Variants in EMSY observed in about 807,000 individuals in gnomAD.
EMSY encodes the protein EMSY transcriptional repressor, BRCA2 interacting.
A neutral mutation model predicts 134.6 loss-of-function variants in EMSY; 26 were observed. The ratio of observed to expected loss-of-function variants is 0.19; its 90% CI spans 0.14 to 0.27. The LOEUF is 0.27. EMSY is among the 10% of genes least tolerant of loss of function. EMSY has a pLI of 1.00. For missense variants in EMSY, 1,305 were observed against 1,611.4 expected, an observed-to-expected ratio of 0.81 and a Z score of 3.26; for synonymous variants, 579 against 577.8, an observed-to-expected ratio of 1.00 and a Z score of -0.03.
At chr11:76,467,978 TCAAAAAAAAAAAA>T (rs1472764019) in intron 7 of EMSY, among the ~76,000 whole-genome samples, 5 of 103,510 alleles carry the variant, frequency 4.8e-5, no homozygotes, top group African/African-American at 2.2e-4. Context: ...AAACTCCATC[TCAAAAAAAAAAAA>T]CAAAAAAAAA....
intron 11 of EMSY, among the ~76,000 whole-genome samples, chr11:76,518,565 C>A (rs1323990968): frequency 6.6e-6 from 1 of 151,462 alleles, no homozygotes; most frequent in African/African-American, 2.4e-5. Context: ...AAACTACAGC[C>A]AGGTTCAAAG....
chr11:76,530,262 C>T (rs956510906), intron 14 of EMSY, among the ~76,000 whole-genome samples: 7 of 147,650 alleles, frequency 4.7e-5, no homozygotes, highest in African/African-American at 1.0e-4. Context: ...TGGGTTCAAG[C>T]GATTCTCCTG....
intron 8 of EMSY, among the ~76,000 whole-genome samples, chr11:76,477,183 C>G (rs910055938): frequency 6.6e-6 from 1 of 150,792 alleles, no homozygotes; most frequent in African/African-American, 2.4e-5. Context: ...TAAGGGTATT[C>G]TAAGGATATA....
intron 11 of EMSY, among the ~76,000 whole-genome samples, chr11:76,520,695 A>T (rs1200742348): frequency 2.0e-5 from 3 of 152,188 alleles, no homozygotes; most frequent in Non-Finnish European, 4.4e-5. Context: ...TATTGTAAAG[A>T]CATTTTTTGT....
exon 17 of EMSY, chr11:76,539,611 A>T (rs1951356819): frequency 6.2e-7 from 1 of 1,613,752 alleles, no homozygotes; most frequent in Admixed American, 1.7e-5. Flanking sequence ...CGCACTGATG[A>T]GGGGACAGAG....
chr11:76,461,863 C>CAGAG (rs1452775317), intron 6 of EMSY, among the ~76,000 whole-genome samples: 1 of 151,826 alleles, frequency 6.6e-6, no homozygotes, highest in Non-Finnish European at 1.5e-5. Flanking sequence ...ACCTGGGAGG[C>CAGAG]AGAGGTTGCA....
exon 21 of EMSY, chr11:76,550,240 C>G: frequency 3.7e-6 from 4 of 1,075,308 alleles, no homozygotes; most frequent in Non-Finnish European, 4.9e-6. Flanking sequence ...GCACTTTGCC[C>G]GTACTTAGGC....
At chr11:76,515,212 G>T (rs558133773) in intron 10 of EMSY, among the ~76,000 whole-genome samples, 5 of 150,798 alleles carry the variant, frequency 3.3e-5, no homozygotes, top group South Asian at 2.1e-4. Flanking sequence ...TTTTTGGGGG[G>T]GGGGAGGAGG....
intron 9 of EMSY, among the ~76,000 whole-genome samples, chr11:76,501,021 C>T (rs941231221): frequency 2.0e-5 from 3 of 152,142 alleles, no homozygotes; most frequent in Non-Finnish European, 4.4e-5. Context: ...TTTATGAAAC[C>T]TATGCACACC....
intron 9 of EMSY, among the ~76,000 whole-genome samples, chr11:76,504,656 A>T (rs1396014255): frequency 2.0e-5 from 3 of 152,200 alleles, no homozygotes; most frequent in Non-Finnish European, 2.9e-5. Context: ...GAATTAACAT[A>T]TGATCCTGAG....
chr11:76,523,999 A>G (rs913110808), intron 12 of EMSY, among the ~76,000 whole-genome samples: 1 of 152,132 alleles, frequency 6.6e-6, no homozygotes, highest in Non-Finnish European at 1.5e-5. Context: ...GCTATGAGCC[A>G]TGATCATGCC....
intron 9 of EMSY, among the ~76,000 whole-genome samples, chr11:76,498,608 A>G (rs1213666199): frequency 1.3e-5 from 2 of 151,488 alleles, no homozygotes; most frequent in African/African-American, 2.4e-5. Context: ...TTAATTCTCT[A>G]TTTTTTTTAA....
At chr11:76,460,119 T>C in intron 6 of EMSY, 34 bp downstream of exon 7, 1 of 1,610,648 alleles carries the variant, frequency 6.2e-7, no homozygotes. Context: ...CAGGGCCTTC[T>C]TGGCTAAATG....
chr11:76,530,174 T>C (rs1289890771), intron 14 of EMSY, among the ~76,000 whole-genome samples: 2 of 150,522 alleles, frequency 1.3e-5, no homozygotes, highest in African/African-American at 4.9e-5. Context: ...TTTTTTTTTT[T>C]TGGAGATAGA....
At chr11:76,485,872 A>G (rs1345883461) in intron 8 of EMSY, among the ~76,000 whole-genome samples, 1 of 152,170 alleles carries the variant, frequency 6.6e-6, no homozygotes, top group African/African-American at 2.4e-5. Context: ...AACCAGAAAT[A>G]CCATTTGACC....
chr11:76,542,115 CT>C lies in EMSY; in HGVS notation c.2558-98del, dbSNP rs1242720981. On this transcript the variant is annotated intron_variant, in intron 17 of 20. Transcript: ENST00000334736. ...CTCCTAGTTCACAATACTACACTTT[CT>C]TTCTGTGATACAAGCTCACAGACAT... The C allele has an allele frequency of 1.6e-5, 24 of 1,455,064 alleles. No homozygotes were observed. The Admixed American group carries it at 4.0e-4, about 24-fold the overall frequency. The allele number at this position is 1,455,064 out of a possible 1,614,324, so 90.1% of individuals were successfully genotyped here.
Position 76,523,276 on chromosome 11 carries a change from G to T in EMSY, c.1806G>T (p.Thr602=), listed in dbSNP as rs373901740. The T allele has an allele frequency of 2.5e-6, 4 of 1,612,530 alleles. No individual in the cohort carries two copies. The Admixed American group carries it at 6.7e-5, about 27-fold the overall frequency. ...TCCCGGGCAAAAATGTTGTCACAAC[G>T]TTGCTAAATGCTGGAGTAAGTGAGA... is the stretch of plus-strand genomic sequence containing the variant. Residue 602 remains threonine, a synonymous_variant, in exon 12 of 21, where the codon ACG becomes ACT. Coordinates refer to ENST00000334736, the Ensembl canonical transcript of EMSY.
intron 9 of EMSY, among the ~76,000 whole-genome samples, chr11:76,510,791 T>G (rs1950247536): frequency 6.6e-6 from 1 of 152,188 alleles, no homozygotes; most frequent in South Asian, 2.1e-4. Context: ...AAGAAAACCT[T>G]TCAACTGGGA....
rs775146599 is a variant in EMSY at position 76,544,730 on chromosome 11, G to A, written c.3181G>A (p.Ala1061Thr). 17 of 1,614,112 alleles carry A rather than the reference G, an allele frequency of 1.1e-5. No homozygotes were observed. The South Asian group carries it at 1.9e-4, about 18-fold the overall frequency. Residue 1061 changes from alanine (A) to threonine (T), a missense_variant, in exon 19 of 21, where the codon GCT becomes ACT. By Grantham distance (58) the Ala-to-Thr change is moderately conservative. Transcript: ENST00000334736. ...GCAGCAGCTCCCTAAACTGCAGCAG[G>A]CTCCGAACCAACCAAAAATCTACGT...
Sources: allele counts gnomAD v4.1 joint callset (sites outside exome capture counted in the v4.1 genomes callset), GRCh38; gene constraint gnomAD v4.1.1; transcripts MANE v1.5; gene names NCBI Gene and HGNC (gene_info 2026-07-23, HGNC 2026-07-21).